LSAMP: variants seen among roughly 807,000 people sequenced by gnomAD.
LSAMP encodes limbic system associated membrane protein, also known as limbic system-associated membrane protein.
In LSAMP, 7 loss-of-function variants were observed where a neutral mutation model predicts 38.6. The ratio of observed to expected loss-of-function variants is 0.18; its 90% CI spans 0.10 to 0.34. The LOEUF (loss-of-function observed/expected upper bound fraction) is 0.34. Among genes scored for constraint, LSAMP ranks in the 10% least tolerant of loss-of-function variants. The pLI, the probability that LSAMP is intolerant of heterozygous loss-of-function variation, is 1.00. For missense variants in LSAMP, 313 were observed against 420.0 expected (o/e 0.75, Z 2.23); for synonymous variants, 154 against 166.8 (o/e 0.92, Z 0.59).
At chr3:115,837,348 T>A (rs1934823818) in intron 6 of LSAMP, among the ~76,000 whole-genome samples, 1 of 151,860 alleles carries the variant, frequency 6.6e-6, no homozygotes, top group South Asian at 2.1e-4. Flanking sequence ...AAGACCTTTA[T>A]AATCCACACA....
intron 1 of LSAMP, among the ~76,000 whole-genome samples, chr3:116,104,861 T>A (rs1296316750): frequency 6.6e-6 from 1 of 152,206 alleles, no homozygotes; most frequent in Non-Finnish European, 1.5e-5. Context: ...GATGAAAAGT[T>A]AATAAGGATA....
At chr3:116,193,345 C>T (rs1159632527) in intron 1 of LSAMP, among the ~76,000 whole-genome samples, 1 of 152,112 alleles carries the variant, frequency 6.6e-6, no homozygotes, top group East Asian at 1.9e-4. Flanking sequence ...CTTCAAAGTT[C>T]CCATCTATGG....
At chr3:116,423,593 C>A (rs2049158029) in intron 1 of LSAMP, among the ~76,000 whole-genome samples, 1 of 152,182 alleles carries the variant, frequency 6.6e-6, no homozygotes, top group African/African-American at 2.4e-5. Flanking sequence ...GACAAAGAAG[C>A]ACCCAGCATT....
chr3:116,305,309 A>C (rs2047467501), intron 1 of LSAMP, among the ~76,000 whole-genome samples: 2 of 152,174 alleles, frequency 1.3e-5, no homozygotes, highest in East Asian at 3.9e-4. Context: ...GAGGACAGCC[A>C]TAAACCTGGT....
At chr3:115,884,457 T>C (rs1936400208) in intron 3 of LSAMP, among the ~76,000 whole-genome samples, 2 of 152,062 alleles carry the variant, frequency 1.3e-5, no homozygotes, top group Non-Finnish European at 2.9e-5. Context: ...AGACATTAAA[T>C]ATTCTAATTC....
intron 6 of LSAMP, among the ~76,000 whole-genome samples, chr3:115,832,522 C>T (rs1318341946): frequency 6.6e-6 from 1 of 152,062 alleles, no homozygotes; most frequent in Non-Finnish European, 1.5e-5. Context: ...CTTAAGCATC[C>T]TATTGTTAGT....
At chr3:115,975,715 G>A (rs1212827616) in intron 3 of LSAMP, among the ~76,000 whole-genome samples, 3 of 151,772 alleles carry the variant, frequency 2.0e-5, no homozygotes, top group Non-Finnish European at 4.4e-5. Context: ...TTTTTTCCCT[G>A]TATCTTACAT....
At chr3:116,295,100 A>G (rs2047313359) in intron 1 of LSAMP, among the ~76,000 whole-genome samples, 1 of 152,230 alleles carries the variant, frequency 6.6e-6, no homozygotes, top group African/African-American at 2.4e-5. Flanking sequence ...AAGAAAGAAA[A>G]TGATAAAATA....
At chr3:116,442,091 TG>T (rs1270258611) in intron 1 of LSAMP, among the ~76,000 whole-genome samples, 1 of 152,216 alleles carries the variant, frequency 6.6e-6, no homozygotes, top group East Asian at 1.9e-4. Flanking sequence ...GGGCAAGACC[TG>T]AAGCCTAGTG....
At chr3:115,934,234 A>G (rs1488972073) in intron 3 of LSAMP, among the ~76,000 whole-genome samples, 1 of 150,630 alleles carries the variant, frequency 6.6e-6, no homozygotes, top group Non-Finnish European at 1.5e-5. Context: ...GCTGGAGTGC[A>G]GTGGTGCCAT....
chr3:116,184,304 C>A (rs1710559631), intron 1 of LSAMP, among the ~76,000 whole-genome samples: 1 of 151,884 alleles, frequency 6.6e-6, no homozygotes, highest in African/African-American at 2.4e-5. Flanking sequence ...GAGAGGCACA[C>A]AGAGGTTAAG....
intron 1 of LSAMP, among the ~76,000 whole-genome samples, chr3:116,333,537 A>C: frequency 6.6e-6 from 1 of 151,404 alleles, no homozygotes; most frequent in Non-Finnish European, 1.5e-5. Flanking sequence ...CCATCTCAAA[A>C]AAAAAAAAAA....
At chr3:116,392,012 C>A (rs561828309) in intron 1 of LSAMP, among the ~76,000 whole-genome samples, 6 of 152,308 alleles carry the variant, frequency 3.9e-5, no homozygotes, top group Middle Eastern at 6.8e-3. Context: ...GGCCATGAGC[C>A]TGGTGATGGG....
chr3:116,211,864 T>C (rs2046160512), intron 1 of LSAMP, among the ~76,000 whole-genome samples: 1 of 152,120 alleles, frequency 6.6e-6, no homozygotes, highest in Non-Finnish European at 1.5e-5. Context: ...TAGTTTTAGA[T>C]AAAAACAAAA....
At chr3:116,176,811 T>TAA (rs1710356737) in intron 1 of LSAMP, among the ~76,000 whole-genome samples, 1 of 152,158 alleles carries the variant, frequency 6.6e-6, no homozygotes, top group South Asian at 2.1e-4. Flanking sequence ...CTGGTCTACA[T>TAA]AAGTGACTTT....
In LSAMP at chr3:115,852,359, A is replaced by G. The variant is rs1056309941; in HGVS notation, c.649+124T>C. On this transcript the variant is annotated intron_variant, in intron 4 of 6. Transcript: ENST00000490035. ...GGATGTGTTCAATGTATAAATGTGC[A>G]TTCCTGGCCAGAGGAGCATCTGCTT... is the stretch of plus-strand genomic sequence containing the variant. 5.1e-6 allele frequency: 6 copies of G among 1,169,780 alleles called. No homozygotes were observed. The East Asian group carries it at 1.5e-4, about 30-fold the overall frequency. 72.5% of individuals were successfully genotyped at this position (1,169,780 alleles called of 1,614,324 possible).
chr3:116,240,738 T>C (rs780376228), intron 1 of LSAMP, among the ~76,000 whole-genome samples: 7 of 152,252 alleles, frequency 4.6e-5, no homozygotes, highest in Non-Finnish European at 7.3e-5. Context: ...TATGTTTTTA[T>C]GCACATATTC....
intron 2 of LSAMP, 26 bp downstream of exon 2, chr3:116,086,298 A>T: frequency 6.4e-7 from 1 of 1,568,506 alleles, no homozygotes; most frequent in Non-Finnish European, 8.8e-7. Context: ...CTTTCTTACC[A>T]CCCTTCTATC....
intron 3 of LSAMP, among the ~76,000 whole-genome samples, chr3:115,988,098 T>C (rs1939564919): frequency 6.6e-6 from 1 of 152,136 alleles, no homozygotes; most frequent in Non-Finnish European, 1.5e-5. Context: ...ACTCATCTCA[T>C]CTAAAAGCTT....
Sources: gnomAD v4.1 joint callset for allele counts (sites outside exome capture counted in the v4.1 genomes callset) on GRCh38, gnomAD v4.1.1 for gene constraint, MANE v1.5 for transcripts, NCBI Gene and HGNC (gene_info 2026-07-23, HGNC 2026-07-21) for gene names.